The following C9orf153 variants were observed in gnomAD, a reference collection of about 807,000 sequenced individuals.
The protein encoded by C9orf153 is chromosome 9 open reading frame 153, also known as uncharacterized protein C9orf153.
Under a neutral mutation model 9.0 loss-of-function variants are expected in C9orf153, and 10 were observed. The observed-to-expected ratio is 1.11, with a 90% CI of 0.69 to 1.89. The LOEUF is 1.89. C9orf153 is among the 40% of genes most tolerant of loss of function. The pLI is 0.00. For synonymous variants in C9orf153, 35 were observed against 37.3 expected (o/e 0.94, Z 0.23); for missense variants, 108 against 111.0 (o/e 0.97, Z 0.12).
intron 1 of C9orf153, among the ~76,000 whole-genome samples, chr9:86,242,988 A>G (rs1824781937): frequency 1.3e-5 from 2 of 152,132 alleles, no homozygotes; most frequent in Admixed American, 1.3e-4. Context: ...CCCGCAGGCC[A>G]CTTCTTAATA....
chr9:86,223,127 G>C (rs571002659), intron 3 of C9orf153, among the ~76,000 whole-genome samples: 19 of 152,320 alleles, frequency 1.2e-4, no homozygotes, highest in African/African-American at 4.3e-4. Flanking sequence ...TGGAGGCCTG[G>C]CATAGCAAGA....
At chr9:86,228,153 T>C in intron 2 of C9orf153, 123 bp from the exon 3 acceptor site, 3 of 717,336 alleles carry the variant, frequency 4.2e-6, no homozygotes, top group Non-Finnish European at 6.6e-6. Context: ...AGCATTTTTA[T>C]CTTTGGAAGA....
intron 1 of C9orf153, among the ~76,000 whole-genome samples, chr9:86,257,871 G>T (rs181847198): frequency 3.1e-4 from 47 of 152,276 alleles, no homozygotes; most frequent in Middle Eastern, 6.8e-3. Flanking sequence ...ACAGTGTCCT[G>T]TCACGATGGC....
chr9:86,241,822 C>T (rs2131193823), intron 1 of C9orf153, among the ~76,000 whole-genome samples: 1 of 152,210 alleles, frequency 6.6e-6, no homozygotes, highest in South Asian at 2.1e-4. Flanking sequence ...GACAGGACTT[C>T]ACCATGTTGG....
intron 1 of C9orf153, among the ~76,000 whole-genome samples, chr9:86,243,423 G>C (rs1368484561): frequency 6.6e-6 from 1 of 151,598 alleles, no homozygotes; most frequent in Non-Finnish European, 1.5e-5. Context: ...TCTGGCCATA[G>C]AGCACCTAAA....
intron 1 of C9orf153, among the ~76,000 whole-genome samples, chr9:86,232,505 A>G (rs1824493601): frequency 6.6e-6 from 1 of 151,968 alleles, no homozygotes; most frequent in African/African-American, 2.4e-5. Context: ...ACTTCTCTTC[A>G]TCGTTACTCC....
rs887367891 is a variant in C9orf153, at chr9:86,221,354, G to T, written c.*334C>A. 4.1e-6 allele frequency: 1 copy of T among 245,888 alleles called. No homozygotes were observed. Among genetic ancestry groups the T allele is most frequent in the Non-Finnish European group, 7.4e-6 (1 of 135,104 alleles). 15.2% of individuals were successfully genotyped at this position (245,888 alleles called of 1,614,324 possible). On this transcript the variant is annotated 3_prime_UTR_variant, in exon 4 of 4. Coordinates refer to ENST00000339137, the MANE Select transcript of C9orf153 (RefSeq NM_001276366.4). ...ATCGGACCTTTTGCTCTGTATTAACGGCTTAATTTTACAATATACCTTCAT... is the reference window on the plus strand; with the variant it reads ...ATCGGACCTTTTGCTCTGTATTAACTGCTTAATTTTACAATATACCTTCAT...
intron 1 of C9orf153, among the ~76,000 whole-genome samples, chr9:86,241,287 C>T (rs1241068079): frequency 6.6e-6 from 1 of 152,184 alleles, no homozygotes; most frequent in Non-Finnish European, 1.5e-5. Flanking sequence ...TGGGCACAAG[C>T]CAGAGATGCC....
intron 1 of C9orf153, among the ~76,000 whole-genome samples, chr9:86,250,062 TGA>T (rs1477237590): frequency 6.6e-6 from 1 of 152,084 alleles, no homozygotes; most frequent in Non-Finnish European, 1.5e-5. Flanking sequence ...GTAAAAGATT[TGA>T]GAGGGTGGAA....
chr9:86,254,784 C>T (rs1825075864), intron 1 of C9orf153, among the ~76,000 whole-genome samples: 1 of 152,174 alleles, frequency 6.6e-6, no homozygotes, highest in Admixed American at 6.5e-5. Flanking sequence ...TGGCCGGGCA[C>T]AGTGGCTCAC....
intron 1 of C9orf153, among the ~76,000 whole-genome samples, chr9:86,242,469 G>C (rs989762672): frequency 6.6e-6 from 1 of 152,054 alleles, no homozygotes; most frequent in African/African-American, 2.4e-5. Context: ...TCTTAAAGGA[G>C]CACTCTGGCT....
chr9:86,227,869 G>C lies in C9orf153; in HGVS notation c.228C>G (p.Leu76=). ...FTRGADVRGD[L]QPVIRKTIHE... is the part of the protein sequence containing the mutation. ...CCACTGTGCACCTGATAACAGGTTG[G>C]AGATCTCCTCTCACATCAGCGCCCC... Residue 76 remains leucine (L), a synonymous_variant, in exon 3 of 4, where the codon CTC becomes CTG. Transcript: ENST00000339137. 6.2e-7 allele frequency: 1 copy of C among 1,611,622 alleles called. No homozygotes were observed. Among genetic ancestry groups the C allele is most frequent in the Non-Finnish European group, 8.5e-7 (1 of 1,179,170 alleles).
In C9orf153 at chr9:86,220,482, G is replaced by A. The variant is rs1193552565; in HGVS notation, c.*1206C>T. Reference sequence around the variant, plus strand: ...CCTACTCCTCAGAGAGAGTTTGGCTGCTTATAGAATTACAGACAGCTATTT... The same window carrying A: ...CCTACTCCTCAGAGAGAGTTTGGCTACTTATAGAATTACAGACAGCTATTT... On this transcript the variant is annotated 3_prime_UTR_variant, in exon 4 of 4. Transcript: ENST00000339137. The A allele has an allele frequency of 6.6e-6, 1 of 152,076 alleles. No homozygotes were observed. The highest frequency in any genetic ancestry group is 2.4e-5 in the African/African-American group (1 of 41,418). The allele number at this position is 152,076 out of a possible 1,614,324, so 9.4% of individuals were successfully genotyped here. A position where few individuals can be genotyped will look rare whatever the true frequency, so the allele number is the denominator to read the frequency against.
intron 1 of C9orf153, among the ~76,000 whole-genome samples, chr9:86,251,703 A>C (rs1824997261): frequency 6.6e-6 from 1 of 152,136 alleles, no homozygotes; most frequent in African/African-American, 2.4e-5. Flanking sequence ...AGAATAAAAA[A>C]ATTGTAAGAG....
At chr9:86,247,866 C>A (rs1824903401) in intron 1 of C9orf153, among the ~76,000 whole-genome samples, 2 of 152,018 alleles carry the variant, frequency 1.3e-5, no homozygotes, top group South Asian at 2.1e-4. Context: ...TGTTTTGGCC[C>A]CTACCTTCCA....
intron 1 of C9orf153, among the ~76,000 whole-genome samples, chr9:86,239,384 A>G (rs189633544): frequency 6.6e-6 from 1 of 152,310 alleles, no homozygotes; most frequent in African/African-American, 2.4e-5. Flanking sequence ...TACAATGAAG[A>G]TTTATTACTT....
At chr9:86,244,784 A>C (rs1188336888) in intron 1 of C9orf153, among the ~76,000 whole-genome samples, 1 of 151,980 alleles carries the variant, frequency 6.6e-6, no homozygotes, top group Non-Finnish European at 1.5e-5. Context: ...CACCCTCCTG[A>C]ATTTTGTGTT....
intron 1 of C9orf153, among the ~76,000 whole-genome samples, chr9:86,241,651 G>C (rs1309067262): frequency 6.6e-6 from 1 of 152,026 alleles, no homozygotes; most frequent in Non-Finnish European, 1.5e-5. Flanking sequence ...TCTGGAGATG[G>C]AGTCTTGCTC....
At position 86,221,331 on chromosome 9, in the gene C9orf153, C is replaced by A. The variant is rs1289784684; in HGVS notation, c.*357G>T. 7 of 192,210 alleles carry A rather than the reference C, an allele frequency of 3.6e-5. No individual in the cohort carries two copies. 11.9% of individuals were successfully genotyped at this position (192,210 alleles called of 1,614,324 possible). ...CACTTCTCACGTTAGCAGATTAAAT[C>A]GGACCTTTTGCTCTGTATTAACGGC... On this transcript the variant is annotated 3_prime_UTR_variant, in exon 4 of 4. Transcript: ENST00000339137.
Sources: gnomAD v4.1 joint callset for allele counts (sites outside exome capture counted in the v4.1 genomes callset) on GRCh38, gnomAD v4.1.1 for gene constraint, MANE v1.5 for transcripts, NCBI Gene and HGNC (gene_info 2026-07-23, HGNC 2026-07-21) for gene names.